The following MRE11 variants were observed in gnomAD, a reference collection of about 807,000 sequenced individuals.
The protein encoded by MRE11 is double-strand break repair protein MRE11.
Under a neutral mutation model 91.7 loss-of-function variants are expected in MRE11, and 62 were observed. The observed-to-expected ratio is 0.68, with a 90% CI of 0.55 to 0.84. MRE11 has a LOEUF of 0.84. Ranked by LOEUF, MRE11 falls within the 40% of genes least tolerant of loss-of-function variation. The pLI is 0.00. For missense variants in MRE11, 796 were observed against 852.9 expected (o/e 0.93, Z 0.83); for synonymous variants, 273 against 271.4 (o/e 1.01, Z -0.06).
Position 94,478,856 on chromosome 11 carries a change from C to T in MRE11, c.423G>A (p.Leu141=), listed in dbSNP as rs199540078. The change falls in exon 6 of 20, where the codon TTG becomes TTA. Residue 141 remains leucine, a synonymous_variant. Coordinates refer to ENST00000323929, the MANE Select transcript of MRE11 (RefSeq NM_005591.4). ...DPTGADALCA[L]DILSCAGFVN... ...CAAATCCAGCACAACTTAAAATGTCCAAGGCACAAAGTGCATCTGCCTATG... is the reference window on the plus strand; with the variant it reads ...CAAATCCAGCACAACTTAAAATGTCTAAGGCACAAAGTGCATCTGCCTATG... 21 of 1,613,716 alleles carry T rather than the reference C, an allele frequency of 1.3e-5. No homozygotes were observed. Among genetic ancestry groups the T allele is most frequent in the Non-Finnish European group, 1.8e-5 (21 of 1,179,874 alleles).
At chr11:94,423,743 C>T (rs1352366186) in intron 19 of MRE11, among the ~76,000 whole-genome samples, 1 of 152,244 alleles carries the variant, frequency 6.6e-6, no homozygotes, top group Non-Finnish European at 1.5e-5. Context: ...TTCCCCAGCA[C>T]AGCTGGTGCC....
At chr11:94,493,191 A>G (rs1947337857) in intron 1 of MRE11, among the ~76,000 whole-genome samples, 1 of 152,222 alleles carries the variant, frequency 6.6e-6, no homozygotes, top group Non-Finnish European at 1.5e-5. Flanking sequence ...AAATGGGCAG[A>G]AAGGGTCACA....
At chr11:94,428,749 G>C (rs1167409202) in intron 19 of MRE11, among the ~76,000 whole-genome samples, 1 of 152,032 alleles carries the variant, frequency 6.6e-6, no homozygotes, top group Admixed American at 6.6e-5. Context: ...TGTAATCCCA[G>C]CTACTCGGGA....
intron 19 of MRE11, among the ~76,000 whole-genome samples, chr11:94,427,188 A>G (rs897098092): frequency 5.3e-5 from 8 of 152,236 alleles, no homozygotes; most frequent in African/African-American, 1.7e-4. Context: ...CAAAAAGTTA[A>G]TATACCATGA....
intron 13 of MRE11, among the ~76,000 whole-genome samples, chr11:94,458,552 T>A (rs1946324635): frequency 6.6e-6 from 1 of 152,124 alleles, no homozygotes; most frequent in Admixed American, 6.5e-5. Flanking sequence ...GATGAATCAC[T>A]CCATACACAA....
At chr11:94,486,292 A>G (rs1486456606) in intron 3 of MRE11, among the ~76,000 whole-genome samples, 1 of 152,240 alleles carries the variant, frequency 6.6e-6, no homozygotes, top group Non-Finnish European at 1.5e-5. Flanking sequence ...CAAAAAAGCC[A>G]TCTTCCAATT....
intron 14 of MRE11, among the ~76,000 whole-genome samples, chr11:94,454,437 T>C (rs1400393145): frequency 6.6e-6 from 1 of 152,148 alleles, no homozygotes; most frequent in Non-Finnish European, 1.5e-5. Context: ...TTTGTCAGTA[T>C]AAGTAATTTA....
At chr11:94,451,962 T>G (rs541703876) in intron 14 of MRE11, among the ~76,000 whole-genome samples, 1 of 151,966 alleles carries the variant, frequency 6.6e-6, no homozygotes, top group South Asian at 2.1e-4. Context: ...TCCCAGCACT[T>G]TGGGAGGCCG....
At chr11:94,438,328 A>G (rs538570552) in intron 16 of MRE11, among the ~76,000 whole-genome samples, 12 of 152,352 alleles carry the variant, frequency 7.9e-5, no homozygotes, top group African/African-American at 2.6e-4. Context: ...CTAGTCAGAA[A>G]ACTAACGAAT....
At chr11:94,475,063 C>T (rs1231604030) in intron 7 of MRE11, among the ~76,000 whole-genome samples, 2 of 152,032 alleles carry the variant, frequency 1.3e-5, no homozygotes, top group African/African-American at 2.4e-5. Flanking sequence ...TTTCTTTTAC[C>T]GAGTATTTAA....
chr11:94,457,529 G>T lies in MRE11; in HGVS notation c.1501-1191C>A, dbSNP rs183650475. On this transcript the variant is annotated intron_variant, in intron 13 of 19. Transcript: ENST00000323929. Reference sequence around the variant, plus strand: ...ATACAAGAATAACAATATTTTAAAAGATGAGACAGTATGTAATCGTGCCCT... The same window carrying T: ...ATACAAGAATAACAATATTTTAAAATATGAGACAGTATGTAATCGTGCCCT... 5.3e-5 allele frequency among the ~76,000 whole-genome samples: 8 copies of T among 152,196 alleles called. No individual in the cohort carries two copies. The East Asian group carries it at 1.3e-3, about 26-fold the overall frequency.
intron 8 of MRE11, 126 bp from the exon 9 acceptor site, chr11:94,470,768 A>G (rs540462543): frequency 1.0e-6 from 1 of 988,256 alleles, no homozygotes; most frequent in African/African-American, 1.6e-5. Flanking sequence ...CTTAAAAATA[A>G]ATGTTTCTGC....
At chr11:94,478,997 G>A in intron 5 of MRE11, 121 bp from the exon 6 acceptor site, 4 of 1,092,274 alleles carry the variant, frequency 3.7e-6, no homozygotes, top group Non-Finnish European at 5.4e-6. Flanking sequence ...GATGAGGATA[G>A]TGTCTTCTCA....
At position 94,419,469 on chromosome 11, in the gene MRE11, A is replaced by G. The variant is rs104895009; in HGVS notation, c.*656T>C. The G allele has an allele frequency of 1.4e-4, 29 of 204,510 alleles. No individual in the cohort carries two copies. The highest frequency in any genetic ancestry group is 3.3e-3 in the Middle Eastern group (2 of 608). 12.7% of individuals were successfully genotyped at this position (204,510 alleles called of 1,614,324 possible). A position where few individuals can be genotyped will look rare whatever the true frequency, so the allele number is the denominator to read the frequency against. ...AGTGGGGAACGGGGGGGAGAGGGAG[A>G]GAGAGAGAGAGAGAGAGAGAGAGAG... is the stretch of plus-strand genomic sequence containing the variant. On this transcript the variant is annotated 3_prime_UTR_variant, in exon 20 of 20. Coordinates refer to ENST00000323929, the MANE Select transcript of MRE11 (RefSeq NM_005591.4).
At chr11:94,451,611 C>T (rs1163815395) in intron 14 of MRE11, among the ~76,000 whole-genome samples, 1 of 151,794 alleles carries the variant, frequency 6.6e-6, no homozygotes, top group Non-Finnish European at 1.5e-5. Context: ...ATATCCATTA[C>T]CAGGGGGTAA....
At chr11:94,479,081 T>C (rs1946950006) in intron 5 of MRE11, among the ~76,000 whole-genome samples, 2 of 152,192 alleles carry the variant, frequency 1.3e-5, no homozygotes, top group South Asian at 4.1e-4. Flanking sequence ...TGGAATCACA[T>C]GCCAAAGGCA....
chr11:94,507,491 G>T, the MRE11 span, among the ~76,000 whole-genome samples: 12 of 152,136 alleles, frequency 7.9e-5, no homozygotes, highest in South Asian at 4.1e-4. Context: ...ATCTAGTAAA[G>T]CCTGCTGAGC....
In MRE11 at chr11:94,416,442, G is replaced by A. The variant is rs1945032761; in HGVS notation, c.*3683C>T. On this transcript the variant is annotated 3_prime_UTR_variant, in exon 20 of 20. Coordinates refer to ENST00000323929, the MANE Select transcript of MRE11 (RefSeq NM_005591.4). Reference sequence around the variant, plus strand: ...AAAGAAAATGAAACAGGCAAATGATGAAATGTGGATCTTTTTCATTCAAGA... The same window carrying A: ...AAAGAAAATGAAACAGGCAAATGATAAAATGTGGATCTTTTTCATTCAAGA... 1 of 152,146 alleles carries A rather than the reference G, an allele frequency of 6.6e-6. No homozygotes were observed. The allele number at this position is 152,146 out of a possible 1,614,324, so 9.4% of individuals were successfully genotyped here. A position where few individuals can be genotyped will look rare whatever the true frequency, so the allele number is the denominator to read the frequency against.
At chr11:94,477,280 T>C (rs562969489) in intron 6 of MRE11, among the ~76,000 whole-genome samples, 3 of 151,952 alleles carry the variant, frequency 2.0e-5, no homozygotes, top group Admixed American at 1.3e-4. Flanking sequence ...AAAAACAATA[T>C]TCTTACATTG....
Sources: gnomAD v4.1 joint callset for allele counts (sites outside exome capture counted in the v4.1 genomes callset) on GRCh38, gnomAD v4.1.1 for gene constraint, MANE v1.5 for transcripts, NCBI Gene and HGNC (gene_info 2026-07-23, HGNC 2026-07-21) for gene names.